CADM1: variants seen among roughly 807,000 people sequenced by gnomAD.
CADM1 encodes the protein TSLC-1.
A neutral mutation model predicts 53.1 loss-of-function variants in CADM1; 15 were observed. That is an observed-to-expected ratio of 0.28 (90% CI 0.19 to 0.44). CADM1 has a LOEUF of 0.44. CADM1 is among the 20% of genes least tolerant of loss of function. The pLI is 1.00. For synonymous variants in CADM1, 281 were observed against 243.0 expected (o/e 1.16, Z -1.45); for missense variants, 434 against 611.3 (o/e 0.71, Z 3.06).
At chr11:115,443,294 A>T (rs1948367323) in intron 1 of CADM1, among the ~76,000 whole-genome samples, 1 of 152,224 alleles carries the variant, frequency 6.6e-6, no homozygotes, top group South Asian at 2.1e-4. Context: ...TCTGACCATC[A>T]TTCTCACCAC....
chr11:115,482,109 C>T (rs1009726663), intron 1 of CADM1, among the ~76,000 whole-genome samples: 2 of 152,106 alleles, frequency 1.3e-5, no homozygotes, highest in East Asian at 1.9e-4. Context: ...TTTGTCTTTC[C>T]GCCCATTATC....
intron 1 of CADM1, among the ~76,000 whole-genome samples, chr11:115,269,543 G>A (rs1209366925): frequency 6.6e-6 from 1 of 152,146 alleles, no homozygotes; most frequent in East Asian, 1.9e-4. Flanking sequence ...AAACTGCTCA[G>A]TACATACTCT....
intron 1 of CADM1, among the ~76,000 whole-genome samples, chr11:115,408,365 T>A (rs1391425034): frequency 6.6e-6 from 1 of 152,230 alleles, no homozygotes; most frequent in Non-Finnish European, 1.5e-5. Context: ...GCTAGTTGGC[T>A]GTCCCTGATC....
chr11:115,286,616 C>T (rs1943735759), intron 1 of CADM1, among the ~76,000 whole-genome samples: 1 of 152,208 alleles, frequency 6.6e-6, no homozygotes, highest in Non-Finnish European at 1.5e-5. Flanking sequence ...CAAACGCAGT[C>T]CATGGCTGCT....
chr11:115,446,920 C>T (rs149836175), intron 1 of CADM1, among the ~76,000 whole-genome samples: 206 of 152,210 alleles, frequency 1.4e-3, no homozygotes, highest in Non-Finnish European at 2.2e-3. Context: ...CTGGGAGCTG[C>T]CAAATGAGCA....
At chr11:115,211,891 T>G (rs773231154) in intron 7 of CADM1, among the ~76,000 whole-genome samples, 2 of 152,070 alleles carry the variant, frequency 1.3e-5, no homozygotes, top group African/African-American at 4.8e-5. Context: ...AATATGATTA[T>G]GAACCAAGGG....
intron 1 of CADM1, among the ~76,000 whole-genome samples, chr11:115,464,014 T>C (rs1460356914): frequency 6.6e-6 from 1 of 152,200 alleles, no homozygotes; most frequent in African/African-American, 2.4e-5. Flanking sequence ...GTCCCTGAGA[T>C]GAAACATCTT....
chr11:115,468,851 G>A (rs1948949490), intron 1 of CADM1, among the ~76,000 whole-genome samples: 1 of 152,200 alleles, frequency 6.6e-6, no homozygotes, highest in African/African-American at 2.4e-5. Flanking sequence ...CACATGGCCA[G>A]GGAGGCCTCA....
At chr11:115,478,890 T>C (rs1565447299) in intron 1 of CADM1, among the ~76,000 whole-genome samples, 1 of 152,158 alleles carries the variant, frequency 6.6e-6, no homozygotes, top group Non-Finnish European at 1.5e-5. Context: ...TATTCCATTG[T>C]ATGGACAGAT....
chr11:115,257,388 A>C (rs1942825161), intron 1 of CADM1, among the ~76,000 whole-genome samples: 1 of 152,222 alleles, frequency 6.6e-6, no homozygotes, highest in Non-Finnish European at 1.5e-5. Flanking sequence ...GCAGAATCAG[A>C]CAGACTCCAT....
intron 1 of CADM1, among the ~76,000 whole-genome samples, chr11:115,480,064 A>T (rs143176122): frequency 6.6e-6 from 1 of 152,364 alleles, no homozygotes; most frequent in East Asian, 1.9e-4. Flanking sequence ...TAAGAACAGA[A>T]ATTCCAAACA....
chr11:115,390,009 G>A (rs997252413), intron 1 of CADM1, among the ~76,000 whole-genome samples: 2 of 152,126 alleles, frequency 1.3e-5, no homozygotes, highest in Admixed American at 6.6e-5. Flanking sequence ...CTAGGAGACA[G>A]TCGTAAGTGG....
chr11:115,315,391 G>A (rs554255236), intron 1 of CADM1, among the ~76,000 whole-genome samples: 9 of 152,152 alleles, frequency 5.9e-5, no homozygotes, highest in Non-Finnish European at 1.3e-4. Context: ...GAAGAAATGA[G>A]AGAAATCCAA....
At chr11:115,353,187 T>C (rs1401495189) in intron 1 of CADM1, among the ~76,000 whole-genome samples, 1 of 152,226 alleles carries the variant, frequency 6.6e-6, no homozygotes, top group African/African-American at 2.4e-5. Context: ...GGATTTCTTT[T>C]AACTGGCATG....
At chr11:115,425,874 T>C (rs1302727872) in intron 1 of CADM1, among the ~76,000 whole-genome samples, 1 of 152,226 alleles carries the variant, frequency 6.6e-6, no homozygotes, top group Non-Finnish European at 1.5e-5. Context: ...GAAGGGAACT[T>C]TGTAAGCAGG....
chr11:115,409,348 C>A (rs1335306830), intron 1 of CADM1, among the ~76,000 whole-genome samples: 2 of 152,180 alleles, frequency 1.3e-5, no homozygotes, highest in Non-Finnish European at 2.9e-5. Flanking sequence ...TAGCGCTAAT[C>A]CTCAAAGGAG....
intron 1 of CADM1, among the ~76,000 whole-genome samples, chr11:115,486,286 C>T (rs1028455710): frequency 2.0e-5 from 3 of 152,176 alleles, no homozygotes; most frequent in Admixed American, 2.0e-4. Flanking sequence ...AAAAAACCAA[C>T]CTGATGTTAC....
Position 115,190,896 on chromosome 11 carries a change from TC to T in CADM1, c.1156del (p.Asp386ThrfsTer20). 1 of 1,594,830 alleles carries T rather than the reference TC, an allele frequency of 6.3e-7. No individual in the cohort carries two copies. The highest frequency in any genetic ancestry group is 8.5e-7 in the Non-Finnish European group (1 of 1,178,400). The stretch of plus-strand genomic sequence containing the variant: ...TAATGACTAGCCCTTACCTGAGAGG[TC>T]CTCACTGTCCAGTTCTTCTGCGGAA... ...PNSAEELDSEDLSDSRAGEEG... is the reference protein window; with the variant it reads ...PNSAEELDSEXLSDSRAGEEG... On this transcript the variant is annotated frameshift_variant, in exon 10 of 12. Transcript: ENST00000331581. LOFTEE classifies it high-confidence loss of function.
intron 1 of CADM1, among the ~76,000 whole-genome samples, chr11:115,274,348 C>T (rs1012023846): frequency 6.6e-5 from 10 of 152,364 alleles, no homozygotes; most frequent in African/African-American, 1.9e-4. Flanking sequence ...ACTGTGTTAA[C>T]AGTTCTCCTT....
Sources: gnomAD v4.1 joint callset for allele counts (sites outside exome capture counted in the v4.1 genomes callset) on GRCh38, gnomAD v4.1.1 for gene constraint, MANE v1.5 for transcripts, NCBI Gene and HGNC (gene_info 2026-07-23, HGNC 2026-07-21) for gene names.